The following QRFPR variants were observed in gnomAD, a reference collection of about 807,000 sequenced individuals.
QRFPR encodes pyroglutamylated RF-amide peptide receptor.
QRFPR carries 37 observed loss-of-function variants against 31.3 expected under a neutral mutation model. The ratio of observed to expected loss-of-function variants is 1.18; its 90% confidence interval spans 0.91 to 1.56. QRFPR has a LOEUF of 1.56. Among genes scored for constraint, QRFPR ranks in the 40% most tolerant of loss-of-function variants. QRFPR has a pLI of 0.00. For synonymous variants in QRFPR, 197 were observed against 192.0 expected, an observed-to-expected ratio of 1.03 and a Z score of -0.22; for missense variants, 542 against 532.5, an observed-to-expected ratio of 1.02 and a Z score of -0.18.
intron 1 of QRFPR, among the ~76,000 whole-genome samples, chr4:121,342,073 A>G (rs1446727362): frequency 6.6e-6 from 1 of 152,248 alleles, no homozygotes; most frequent in Non-Finnish European, 1.5e-5. Flanking sequence ...AGTAGAAGAC[A>G]GGAGAAGATC....
chr4:121,329,610 A>T lies in QRFPR; in HGVS notation c.1000T>A (p.Phe334Ile). 5.0e-6 allele frequency: 8 copies of T among 1,613,094 alleles called. No individual in the cohort carries two copies. The highest frequency in any genetic ancestry group is 6.8e-6 in the Non-Finnish European group (8 of 1,179,518). The part of the protein sequence containing the change: ...NSICNPIVYA[F>I]MNENFKKNVL... The stretch of plus-strand genomic sequence containing the variant: ...TTTTTTTTGAAGTTTTCATTCATAA[A>T]TGCATAGACAATGGGATTACAGATG... The change falls in exon 6 of 6, where the codon TTT becomes ATT. Residue 334 changes from phenylalanine to isoleucine, a missense_variant. Coordinates refer to ENST00000394427, the MANE Select transcript of QRFPR (RefSeq NM_198179.3).
At chr4:121,376,236 G>A (rs1277888579) in intron 1 of QRFPR, among the ~76,000 whole-genome samples, 1 of 152,198 alleles carries the variant, frequency 6.6e-6, no homozygotes, top group Non-Finnish European at 1.5e-5. Flanking sequence ...ACTTCTGCTA[G>A]CTCCATGTTG....
At chr4:121,376,201 T>C (rs1726349618) in intron 1 of QRFPR, among the ~76,000 whole-genome samples, 1 of 152,298 alleles carries the variant, frequency 6.6e-6, no homozygotes, top group Non-Finnish European at 1.5e-5. Context: ...GTGCCATTTA[T>C]AATATTTGGG....
At chr4:121,352,515 T>G (rs1725781817) in intron 1 of QRFPR, among the ~76,000 whole-genome samples, 1 of 152,078 alleles carries the variant, frequency 6.6e-6, no homozygotes, top group African/African-American at 2.4e-5. Flanking sequence ...ACATGCTCAT[T>G]TAAAAAATCA....
At chr4:121,374,042 T>C (rs1277459294) in intron 1 of QRFPR, among the ~76,000 whole-genome samples, 1 of 152,172 alleles carries the variant, frequency 6.6e-6, no homozygotes, top group African/African-American at 2.4e-5. Context: ...CTGAAAAACC[T>C]TTGTGGTGAG....
chr4:121,365,572 T>A (rs1257735332), intron 1 of QRFPR, among the ~76,000 whole-genome samples: 963 of 5,008 alleles, frequency 0.19, 93 homozygotes, highest in East Asian at 0.35. Flanking sequence ...ATATTATATA[T>A]AATATATATT....
chr4:121,354,936 T>A (rs1412873284), intron 1 of QRFPR, among the ~76,000 whole-genome samples: 1 of 152,084 alleles, frequency 6.6e-6, no homozygotes, highest in East Asian at 1.9e-4. Context: ...TCATAATAAA[T>A]CATCTTTTTA....
At chr4:121,345,029 T>C (rs547707332) in intron 1 of QRFPR, among the ~76,000 whole-genome samples, 2 of 152,346 alleles carry the variant, frequency 1.3e-5, no homozygotes, top group Admixed American at 6.5e-5. Flanking sequence ...CTTCTTAAAG[T>C]CGGCCTGGAA....
rs571373085 is a variant in QRFPR, at chr4:121,359,827, A to C, written c.341-19217T>G. Among the ~76,000 whole-genome samples, 22 of 150,976 alleles carry C rather than the reference A, an allele frequency of 1.5e-4. No homozygotes were observed. The East Asian group carries it at 2.5e-3, about 17-fold the overall frequency. On this transcript the variant is annotated intron_variant, in intron 1 of 5. Coordinates refer to ENST00000394427, the MANE Select transcript of QRFPR (RefSeq NM_198179.3). ...TGTATGTGTGTGTGTGTATATATAT[A>C]TCTCTCTCCTATTAGTTCTGTTCCT...
At chr4:121,336,977 C>T (rs1725448104) in intron 2 of QRFPR, 109 bp from the exon 3 acceptor site, 1 of 981,516 alleles carries the variant, frequency 1.0e-6, no homozygotes, top group Non-Finnish European at 1.6e-6. Flanking sequence ...GTTCTCTGCC[C>T]TAGGGCAGTG....
intron 1 of QRFPR, chr4:121,369,713 C>A: frequency 2.5e-6 from 4 of 1,593,202 alleles, no homozygotes; most frequent in Non-Finnish European, 3.4e-6. Flanking sequence ...CTTATCCCCA[C>A]TTCCAGAGTC....
At chr4:121,335,397 C>T (rs79976917) in intron 3 of QRFPR, among the ~76,000 whole-genome samples, 3,999 of 151,972 alleles carry the variant, frequency 0.026, 81 homozygotes, top group South Asian at 0.056. Flanking sequence ...TGGCATGATC[C>T]CTTGCCAGCC....
At chr4:121,361,945 T>C (rs1190465589) in intron 1 of QRFPR, among the ~76,000 whole-genome samples, 2 of 150,326 alleles carry the variant, frequency 1.3e-5, no homozygotes, top group Non-Finnish European at 3.0e-5. Flanking sequence ...CTATTTATTC[T>C]AAAATAAGAT....
intron 1 of QRFPR, among the ~76,000 whole-genome samples, chr4:121,362,986 G>A (rs1269394104): frequency 6.7e-6 from 1 of 150,230 alleles, no homozygotes; most frequent in Non-Finnish European, 1.5e-5. Context: ...TAACCTCTCT[G>A]GAGTCCATGC....
chr4:121,363,162 T>TA (rs1436660284), intron 1 of QRFPR, among the ~76,000 whole-genome samples: 4 of 149,788 alleles, frequency 2.7e-5, no homozygotes, highest in African/African-American at 9.9e-5. Flanking sequence ...CCGTCTCTAC[T>TA]AAAGATACAA....
intron 1 of QRFPR, among the ~76,000 whole-genome samples, chr4:121,365,600 ATAAT>A (rs1362930826): frequency 8.0e-5 from 1 of 12,462 alleles, no homozygotes; most frequent in African/African-American, 5.2e-4. Context: ...TTATATATAT[ATAAT>A]ATATATATTA....
At chr4:121,357,034 T>C (rs773230399) in intron 1 of QRFPR, among the ~76,000 whole-genome samples, 11 of 152,140 alleles carry the variant, frequency 7.2e-5, no homozygotes, top group Non-Finnish European at 1.3e-4. Context: ...TACTCTATAC[T>C]AATGCACAGG....
chr4:121,359,514 G>C (rs961601516), intron 1 of QRFPR, among the ~76,000 whole-genome samples: 3 of 152,094 alleles, frequency 2.0e-5, no homozygotes, highest in African/African-American at 7.2e-5. Flanking sequence ...TTGAACATCA[G>C]ACTCCAAGTC....
chr4:121,333,718 A>G (rs1261825875), intron 3 of QRFPR, among the ~76,000 whole-genome samples: 4 of 152,228 alleles, frequency 2.6e-5, no homozygotes, highest in African/African-American at 9.6e-5. Context: ...CAAAAGTATT[A>G]TTAACAACAA....
Sources: allele counts gnomAD v4.1 joint callset (sites outside exome capture counted in the v4.1 genomes callset), GRCh38; gene constraint gnomAD v4.1.1; transcripts MANE v1.5; gene names NCBI Gene and HGNC (gene_info 2026-07-23, HGNC 2026-07-21).